SPATA17: variants seen among roughly 807,000 people sequenced by gnomAD.
SPATA17 encodes the protein spermatogenesis associated 17.
In SPATA17, 53 loss-of-function variants were observed where a neutral mutation model predicts 62.2. That is an observed-to-expected ratio of 0.85 (90% CI 0.68 to 1.07). The LOEUF (loss-of-function observed/expected upper bound fraction) is 1.07, where lower values mean the gene tolerates loss of function less well. Ranked by LOEUF, SPATA17 falls within the 50% of genes least tolerant of loss-of-function variation. The pLI is 0.00. For missense variants in SPATA17, 466 were observed against 425.5 expected (o/e 1.10, Z -0.84); for synonymous variants, 146 against 146.8 (o/e 0.99, Z 0.04).
At chr1:217,671,261 G>A (rs1670826221) in intron 4 of SPATA17, among the ~76,000 whole-genome samples, 1 of 152,002 alleles carries the variant, frequency 6.6e-6, no homozygotes, top group Non-Finnish European at 1.5e-5. Context: ...CTGAACATTG[G>A]CCTGCATGTA....
chr1:217,652,221 C>G (rs1012719813), intron 3 of SPATA17, among the ~76,000 whole-genome samples: 11 of 152,110 alleles, frequency 7.2e-5, no homozygotes, highest in Non-Finnish European at 1.3e-4. Flanking sequence ...GGTCACCAGT[C>G]TGAGTATAGT....
intron 5 of SPATA17, among the ~76,000 whole-genome samples, chr1:217,715,808 T>C (rs527985535): frequency 2.6e-5 from 4 of 152,316 alleles, no homozygotes; most frequent in African/African-American, 9.6e-5. Context: ...ATACTGTCAG[T>C]GTTTGTTCCC....
At chr1:217,639,290 T>C (rs1055131248) in intron 1 of SPATA17, among the ~76,000 whole-genome samples, 1 of 152,008 alleles carries the variant, frequency 6.6e-6, no homozygotes, top group South Asian at 2.1e-4. Flanking sequence ...ACAAAAACAA[T>C]AATTACTAAT....
At chr1:217,849,449 C>T (rs1330202309) in intron 9 of SPATA17, among the ~76,000 whole-genome samples, 1 of 151,874 alleles carries the variant, frequency 6.6e-6, no homozygotes, top group African/African-American at 2.4e-5. Context: ...AAGTCCTTTC[C>T]TAAAAAAACA....
chr1:217,733,977 G>A (rs963085770), intron 5 of SPATA17, among the ~76,000 whole-genome samples: 3 of 152,128 alleles, frequency 2.0e-5, no homozygotes, highest in Non-Finnish European at 4.4e-5. Flanking sequence ...ACAGATCCGG[G>A]GAGTAGGTAA....
intron 5 of SPATA17, among the ~76,000 whole-genome samples, chr1:217,707,606 G>C (rs1399942788): frequency 6.6e-6 from 1 of 152,090 alleles, no homozygotes; most frequent in Admixed American, 6.6e-5. Context: ...AATACTGGGA[G>C]ACATCAACAT....
At chr1:217,720,084 C>T (rs749454251) in intron 5 of SPATA17, among the ~76,000 whole-genome samples, 11 of 152,150 alleles carry the variant, frequency 7.2e-5, no homozygotes, top group Non-Finnish European at 1.3e-4. Flanking sequence ...CAATTGGAAC[C>T]GGAGGAGGGA....
At position 217,821,111 on chromosome 1, in the gene SPATA17, A is replaced by T. The variant is rs539742693; in HGVS notation, c.1005+19261A>T. Among the ~76,000 whole-genome samples the T allele has an allele frequency of 8.5e-5, 13 of 152,230 alleles. No homozygotes were observed. In the South Asian group the frequency reaches 2.7e-3, roughly 32 times the overall value. On this transcript the variant is annotated intron_variant, in intron 9 of 10. Coordinates refer to ENST00000366933, the MANE Select transcript of SPATA17 (RefSeq NM_138796.4). ...AGAATGCAGTGGCACCAAGCCATTC[A>T]TGAGGGATCTGTCCCCATGATCCAA...
intron 5 of SPATA17, among the ~76,000 whole-genome samples, chr1:217,731,889 A>G (rs572889547): frequency 1.3e-5 from 2 of 152,306 alleles, no homozygotes; most frequent in South Asian, 4.1e-4. Context: ...AAATTTTAGG[A>G]TAAATAGGAA....
At chr1:217,850,713 G>A (rs1675631335) in intron 9 of SPATA17, 22 of 1,106,530 alleles carry the variant, frequency 2.0e-5, no homozygotes, top group Admixed American at 1.6e-4. Flanking sequence ...ACGCTCACCC[G>A]ACAAAGCCAT....
At chr1:217,796,330 A>G (rs556557114) in intron 8 of SPATA17, among the ~76,000 whole-genome samples, 2 of 152,284 alleles carry the variant, frequency 1.3e-5, no homozygotes, top group East Asian at 3.9e-4. Flanking sequence ...AATTTGTTGC[A>G]TAGATGTAAT....
chr1:217,734,344 G>T (rs1413857559), intron 5 of SPATA17, among the ~76,000 whole-genome samples: 1 of 152,176 alleles, frequency 6.6e-6, no homozygotes, highest in Non-Finnish European at 1.5e-5. Context: ...CACCACAGCA[G>T]AAACTAATGC....
At chr1:217,752,506 T>C (rs1202409495) in intron 6 of SPATA17, among the ~76,000 whole-genome samples, 1 of 152,218 alleles carries the variant, frequency 6.6e-6, no homozygotes, top group African/African-American at 2.4e-5. Context: ...TGCTTCTTTT[T>C]TGACAATAAT....
At chr1:217,802,914 C>CT (rs1674346847) in intron 9 of SPATA17, among the ~76,000 whole-genome samples, 3 of 151,878 alleles carry the variant, frequency 2.0e-5, no homozygotes, top group South Asian at 4.2e-4. Flanking sequence ...GGTGCCCACT[C>CT]TTTTTTTTCT....
At chr1:217,821,995 C>G (rs75911366) in intron 9 of SPATA17, among the ~76,000 whole-genome samples, 1 of 152,156 alleles carries the variant, frequency 6.6e-6, no homozygotes, top group African/African-American at 2.4e-5. Context: ...CTACAGCAAT[C>G]TAAAGGATAG....
chr1:217,745,491 T>C (rs1251307592), intron 6 of SPATA17, among the ~76,000 whole-genome samples: 1 of 152,192 alleles, frequency 6.6e-6, no homozygotes, highest in African/African-American at 2.4e-5. Context: ...ACTTAGCTTT[T>C]AATCAGTATT....
chr1:217,806,528 C>T (rs1378178777), intron 9 of SPATA17, among the ~76,000 whole-genome samples: 2 of 152,272 alleles, frequency 1.3e-5, no homozygotes, highest in Non-Finnish European at 2.9e-5. Context: ...GTCCCACAAT[C>T]GGCCTTAATT....
At chr1:217,673,377 T>C (rs1021073465) in intron 4 of SPATA17, among the ~76,000 whole-genome samples, 4 of 152,164 alleles carry the variant, frequency 2.6e-5, no homozygotes, top group African/African-American at 9.7e-5. Flanking sequence ...AATTGCTCAG[T>C]AAATTTTTAT....
At chr1:217,683,868 T>C (rs1671158458) in intron 5 of SPATA17, among the ~76,000 whole-genome samples, 1 of 152,134 alleles carries the variant, frequency 6.6e-6, no homozygotes, top group Admixed American at 6.5e-5. Context: ...CTGCAAGTTA[T>C]TTATGTGTGT....
Sources: allele counts gnomAD v4.1 joint callset (sites outside exome capture counted in the v4.1 genomes callset), GRCh38; gene constraint gnomAD v4.1.1; transcripts MANE v1.5; gene names NCBI Gene and HGNC (gene_info 2026-07-23, HGNC 2026-07-21).